PTPN4: variants seen among roughly 807,000 people sequenced by gnomAD.
PTPN4 encodes the protein tyrosine-protein phosphatase non-receptor type 4.
In PTPN4, 49 loss-of-function variants were observed where a neutral mutation model predicts 135.5. The observed-to-expected ratio is 0.36, with a 90% confidence interval of 0.29 to 0.46. The LOEUF (loss-of-function observed/expected upper bound fraction) is 0.46. PTPN4 is among the 20% of genes least tolerant of loss of function. PTPN4 has a pLI of 1.00. For missense variants in PTPN4, 860 were observed against 1,101.0 expected (o/e 0.78, Z 3.10); for synonymous variants, 333 against 369.9 (o/e 0.90, Z 1.14).
At chr2:119,846,966 T>C (rs562999877) in intron 2 of PTPN4, among the ~76,000 whole-genome samples, 2 of 151,318 alleles carry the variant, frequency 1.3e-5, no homozygotes, top group African/African-American at 4.8e-5. Flanking sequence ...ATTATTACTT[T>C]ATATAATTTA....
At chr2:119,900,897 A>G (rs1040421585) in intron 10 of PTPN4, 91 bp downstream of exon 10, 23 of 715,700 alleles carry the variant, frequency 3.2e-5, no homozygotes, top group Non-Finnish European at 4.5e-5. Context: ...AACTATTTTA[A>G]TGTTGTCATT....
In PTPN4 at chr2:119,759,983, A is replaced by C. The variant is rs1690446888; in HGVS notation, c.-419A>C. On this transcript the variant is annotated 5_prime_UTR_variant, in exon 1 of 27. Coordinates refer to ENST00000263708, the MANE Select transcript of PTPN4 (RefSeq NM_002830.4). ...TTCCGCTCCTCGCGCCCCACCACCAACATTGTTCTCTCAGGACTCCTGGGT... is the reference window on the plus strand; with the variant it reads ...TTCCGCTCCTCGCGCCCCACCACCACCATTGTTCTCTCAGGACTCCTGGGT... 2 of 378,382 alleles carry C rather than the reference A, an allele frequency of 5.3e-6. No homozygotes were observed. The highest frequency in any genetic ancestry group is 9.4e-6 in the Non-Finnish European group (2 of 213,624). 23.4% of individuals were successfully genotyped at this position (378,382 alleles called of 1,614,324 possible).
rs1679683069 is a variant in PTPN4 at position 119,980,961 on chromosome 2, TAAAG to T, written c.*3892_*3895del. Reference sequence around the variant, plus strand: ...AATGTGAACATGTAAGATAAGTAAATAAAGCATTACTTGTTTTATAATATCAGGA... The same window carrying T: ...AATGTGAACATGTAAGATAAGTAAATCATTACTTGTTTTATAATATCAGGA... On this transcript the variant is annotated 3_prime_UTR_variant, in exon 27 of 27. Transcript: ENST00000263708. 1 of 152,020 alleles carries T rather than the reference TAAAG, an allele frequency of 6.6e-6. No individual in the cohort carries two copies. The highest frequency in any genetic ancestry group is 2.1e-4 in the South Asian group (1 of 4,830). The allele number at this position is 152,020 out of a possible 1,614,324, so 9.4% of individuals were successfully genotyped here.
At chr2:119,892,456 G>A (rs1678254148) in intron 9 of PTPN4, among the ~76,000 whole-genome samples, 1 of 152,152 alleles carries the variant, frequency 6.6e-6, no homozygotes, top group Non-Finnish European at 1.5e-5. Context: ...ATGAAGAAAA[G>A]TTAAGCTGAG....
chr2:119,830,618 G>A (rs746116040), intron 2 of PTPN4, among the ~76,000 whole-genome samples: 13 of 152,036 alleles, frequency 8.6e-5, no homozygotes, highest in East Asian at 1.9e-4. Flanking sequence ...ATAGGCGCCC[G>A]TCACCACGCC....
At chr2:119,809,139 C>A (rs1310921479) in intron 1 of PTPN4, among the ~76,000 whole-genome samples, 1 of 151,434 alleles carries the variant, frequency 6.6e-6, no homozygotes, top group East Asian at 1.9e-4. Flanking sequence ...GTCAGTGTTT[C>A]AAAGAATTTT....
intron 3 of PTPN4, among the ~76,000 whole-genome samples, chr2:119,874,443 G>A (rs1428531529): frequency 6.6e-6 from 1 of 152,094 alleles, no homozygotes; most frequent in Non-Finnish European, 1.5e-5. Context: ...GCCATAAAAA[G>A]GAATGAGTTA....
At chr2:119,862,484 A>G (rs997603615) in intron 2 of PTPN4, 52 bp from the exon 3 acceptor site, 11 of 1,491,268 alleles carry the variant, frequency 7.4e-6, no homozygotes, top group Non-Finnish European at 1.0e-5. Flanking sequence ...AAAAATGTGA[A>G]GAATGTAACC....
intron 10 of PTPN4, among the ~76,000 whole-genome samples, chr2:119,914,768 G>A (rs908170110): frequency 1.3e-5 from 2 of 152,070 alleles, no homozygotes; most frequent in Non-Finnish European, 2.9e-5. Context: ...TGTGGGTTGC[G>A]TTTAAGAAGA....
At chr2:119,941,089 T>C (rs1015790706) in intron 15 of PTPN4, among the ~76,000 whole-genome samples, 3 of 152,218 alleles carry the variant, frequency 2.0e-5, no homozygotes, top group Non-Finnish European at 4.4e-5. Context: ...CATTCTCTTA[T>C]ACTTGGCAGA....
At chr2:119,847,137 G>A (rs1677511077) in intron 2 of PTPN4, among the ~76,000 whole-genome samples, 1 of 148,134 alleles carries the variant, frequency 6.8e-6, no homozygotes, top group Non-Finnish European at 1.5e-5. Flanking sequence ...AAACAACTTT[G>A]ATTCCACTAT....
intron 10 of PTPN4, among the ~76,000 whole-genome samples, chr2:119,904,454 G>A (rs1382223403): frequency 1.3e-5 from 2 of 151,974 alleles, no homozygotes; most frequent in African/African-American, 4.8e-5. Flanking sequence ...GAAGAGTTGG[G>A]CAAAGGCATA....
At chr2:119,841,998 C>T (rs1380227718) in intron 2 of PTPN4, among the ~76,000 whole-genome samples, 3 of 152,124 alleles carry the variant, frequency 2.0e-5, no homozygotes, top group Non-Finnish European at 1.5e-5. Flanking sequence ...CAGGTTAGTT[C>T]ATGGAAATAT....
chr2:119,874,368 G>A (rs551532099), intron 3 of PTPN4, among the ~76,000 whole-genome samples: 3 of 152,262 alleles, frequency 2.0e-5, no homozygotes, highest in East Asian at 1.9e-4. Flanking sequence ...ACACAAAAAT[G>A]TGTACACAAA....
intron 2 of PTPN4, among the ~76,000 whole-genome samples, chr2:119,834,357 A>G (rs888247650): frequency 1.3e-5 from 2 of 152,112 alleles, no homozygotes; most frequent in Non-Finnish European, 2.9e-5. Context: ...TGACAACCCT[A>G]GCACAGTTAC....
intron 11 of PTPN4, 29 bp downstream of exon 11, chr2:119,915,271 T>C: frequency 6.8e-7 from 1 of 1,479,390 alleles, no homozygotes; most frequent in Non-Finnish European, 9.1e-7. Flanking sequence ...ATTATTGACA[T>C]AAATGAAGCC....
intron 9 of PTPN4, among the ~76,000 whole-genome samples, chr2:119,890,031 A>C (rs1678218676): frequency 6.6e-6 from 1 of 152,206 alleles, no homozygotes; most frequent in Admixed American, 6.5e-5. Context: ...TGTTTGGTCC[A>C]TTTGATCTAA....
rs560289191 is a variant in PTPN4 at position 119,978,728 on chromosome 2, A to C, written c.*1658A>C. 146 of 152,260 alleles carry C rather than the reference A, an allele frequency of 9.6e-4. 1 individual carries two copies. The highest frequency in any genetic ancestry group is 3.4e-3 in the African/African-American group (142 of 41,578). 9.4% of individuals were successfully genotyped at this position (152,260 alleles called of 1,614,324 possible). A position where few individuals can be genotyped will look rare whatever the true frequency, so the allele number is the denominator to read the frequency against. ...AAGATTCATTTCCTAGCAGTTTCTGAATATTTCTGTAAGATCTTGATAAAG... is the reference window on the plus strand; with the variant it reads ...AAGATTCATTTCCTAGCAGTTTCTGCATATTTCTGTAAGATCTTGATAAAG... On this transcript the variant is annotated 3_prime_UTR_variant, in exon 27 of 27. Coordinates refer to ENST00000263708, the MANE Select transcript of PTPN4 (RefSeq NM_002830.4).
At chr2:119,782,281 TG>T (rs1318722834) in intron 1 of PTPN4, among the ~76,000 whole-genome samples, 4 of 151,998 alleles carry the variant, frequency 2.6e-5, no homozygotes, top group Admixed American at 2.6e-4. Flanking sequence ...TAGCCGGGTG[TG>T]GAGACAGGCG....
Sources: allele counts gnomAD v4.1 joint callset (sites outside exome capture counted in the v4.1 genomes callset), GRCh38; gene constraint gnomAD v4.1.1; transcripts MANE v1.5; gene names NCBI Gene and HGNC (gene_info 2026-07-23, HGNC 2026-07-21).